Variants in PTPRT observed in about 807,000 individuals in gnomAD.
The protein encoded by PTPRT is protein tyrosine phosphatase receptor type T, also known as receptor-type tyrosine-protein phosphatase T.
In PTPRT, 56 loss-of-function variants were observed where a neutral mutation model predicts 176.8. That is an observed-to-expected ratio of 0.32 (90% CI 0.26 to 0.40). PTPRT has a LOEUF of 0.40. Ranked by LOEUF, PTPRT falls within the 10% of genes least tolerant of loss-of-function variation. PTPRT has a pLI of 1.00. For synonymous variants in PTPRT, 783 were observed against 739.0 expected, an observed-to-expected ratio of 1.06 and a Z score of -0.96; for missense variants, 1,540 against 1,908.2, an observed-to-expected ratio of 0.81 and a Z score of 3.60.
At chr20:42,742,939 C>A (rs1230016106) in intron 6 of PTPRT, among the ~76,000 whole-genome samples, 1 of 152,180 alleles carries the variant, frequency 6.6e-6, no homozygotes, top group Non-Finnish European at 1.5e-5. Context: ...TCCTCACCTC[C>A]CCTTACGAAG....
chr20:42,363,181 G>C (rs1268246783), intron 9 of PTPRT, among the ~76,000 whole-genome samples: 1 of 137,778 alleles, frequency 7.3e-6, no homozygotes, highest in Non-Finnish European at 1.5e-5. Context: ...AAGTCTCATT[G>C]ATTGGCAAAT....
chr20:43,114,895 T>TA (rs2012996317), intron 1 of PTPRT, among the ~76,000 whole-genome samples: 1 of 151,934 alleles, frequency 6.6e-6, no homozygotes, highest in South Asian at 2.1e-4. Flanking sequence ...CCTAAGGGAG[T>TA]ATGTTCTGAA....
intron 8 of PTPRT, among the ~76,000 whole-genome samples, chr20:42,466,985 ATT>A (rs2071112270): frequency 6.6e-6 from 1 of 152,142 alleles, no homozygotes; most frequent in Non-Finnish European, 1.5e-5. Context: ...ATTTGAGGCA[ATT>A]TGAGCATCAC....
At chr20:42,873,156 G>C (rs1321228892) in intron 2 of PTPRT, among the ~76,000 whole-genome samples, 1 of 152,226 alleles carries the variant, frequency 6.6e-6, no homozygotes. Context: ...AGAGACAGAA[G>C]TGTTATGTCC....
At chr20:42,458,949 C>G (rs2867442) in intron 8 of PTPRT, among the ~76,000 whole-genome samples, 1 of 152,028 alleles carries the variant, frequency 6.6e-6, no homozygotes, top group Non-Finnish European at 1.5e-5. Context: ...TGGGAGAAGA[C>G]AGATAATAAA....
intron 6 of PTPRT, among the ~76,000 whole-genome samples, chr20:42,680,536 G>C (rs986985055): frequency 6.6e-6 from 1 of 152,174 alleles, no homozygotes; most frequent in East Asian, 1.9e-4. Context: ...GCTCCCATCA[G>C]TCTCCAATGA....
intron 1 of PTPRT, among the ~76,000 whole-genome samples, chr20:42,904,901 T>C (rs960045720): frequency 9.2e-5 from 14 of 152,262 alleles, no homozygotes; most frequent in African/African-American, 3.4e-4. Flanking sequence ...CCTTACATCT[T>C]ATACAAAAAT....
At chr20:42,941,441 A>C (rs974619095) in intron 1 of PTPRT, among the ~76,000 whole-genome samples, 1 of 152,186 alleles carries the variant, frequency 6.6e-6, no homozygotes, top group Non-Finnish European at 1.5e-5. Flanking sequence ...GTCATCTAGA[A>C]AATTTGCAAT....
chr20:42,511,554 G>A (rs1366385639), intron 7 of PTPRT, among the ~76,000 whole-genome samples: 1 of 151,702 alleles, frequency 6.6e-6, no homozygotes, highest in Non-Finnish European at 1.5e-5. Context: ...AGGGTAAAAT[G>A]TATTCCTTTT....
At chr20:42,827,525 T>A (rs2078015819) in intron 2 of PTPRT, among the ~76,000 whole-genome samples, 2 of 152,158 alleles carry the variant, frequency 1.3e-5, no homozygotes, top group African/African-American at 4.8e-5. Flanking sequence ...AGATACAACA[T>A]ACCAGAATCT....
rs373045736 is a variant in PTPRT at position 42,533,360 on chromosome 20, G to T, written c.1154-60798C>A. 4.6e-5 allele frequency among the ~76,000 whole-genome samples: 7 copies of T among 152,284 alleles called. No individual in the cohort carries two copies. In the East Asian group the frequency reaches 1.4e-3, roughly 30 times the overall value. The stretch of plus-strand genomic sequence containing the variant: ...CTCAACTCTGGTCCTTCCCAGCCCG[G>T]CAGTGAGCCGTCTCTCTCAGGAATC... On this transcript the variant is annotated intron_variant, in intron 7 of 30. Coordinates refer to ENST00000373187, the MANE Select transcript of PTPRT (RefSeq NM_007050.6).
chr20:42,718,612 A>T (rs987970937), intron 6 of PTPRT, among the ~76,000 whole-genome samples: 25 of 152,202 alleles, frequency 1.6e-4, no homozygotes, highest in African/African-American at 5.8e-4. Context: ...CAAGTGGAAG[A>T]AACTAGCCAA....
chr20:42,678,082 A>G lies in PTPRT; in HGVS notation c.937T>C (p.Ser313Pro). ...TYLWIKPNANSIIGDGPIILK... is the reference protein window; with the variant it reads ...TYLWIKPNANPIIGDGPIILK... The stretch of plus-strand genomic sequence containing the variant: ...ATGATGGGGCCATCCCCGATGATGG[A>G]GTTGGCATTTGGCTTGATCCACAGG... Residue 313 changes from serine (S) to proline (P), a missense_variant, in exon 7 of 31, where the codon TCC (serine) becomes CCC (proline). By Grantham distance (74) the Ser-to-Pro change is moderately conservative (BLOSUM62 -1). Transcript: ENST00000373187. The G allele has an allele frequency of 6.2e-7, 1 of 1,614,092 alleles. No individual in the cohort carries two copies. Among genetic ancestry groups the G allele is most frequent in the East Asian group, 2.2e-5 (1 of 44,858 alleles).
Position 42,452,301 on chromosome 20 carries a change from G to A in PTPRT, c.1451-3972C>T, listed in dbSNP as rs144866082. Among the ~76,000 whole-genome samples, 32 of 151,712 alleles carry A rather than the reference G, an allele frequency of 2.1e-4. No homozygotes were observed. In the East Asian group the frequency reaches 6.0e-3, roughly 29 times the overall value. On this transcript the variant is annotated intron_variant, in intron 8 of 30. Coordinates refer to ENST00000373187, the MANE Select transcript of PTPRT (RefSeq NM_007050.6). Reference sequence around the variant, plus strand: ...AAAAAATTCAGAATAGAGGTAAGAAGAAGAGTGAGAAAGAAAGAGGAGATA... The same window carrying A: ...AAAAAATTCAGAATAGAGGTAAGAAAAAGAGTGAGAAAGAAAGAGGAGATA...
chr20:42,613,405 G>A (rs1181044734), intron 7 of PTPRT, among the ~76,000 whole-genome samples: 2 of 152,302 alleles, frequency 1.3e-5, no homozygotes, highest in African/African-American at 2.4e-5. Flanking sequence ...CTGAATCACT[G>A]GGCGAATAGC....
At chr20:42,451,678 G>C (rs1383496861) in intron 8 of PTPRT, among the ~76,000 whole-genome samples, 1 of 152,152 alleles carries the variant, frequency 6.6e-6, no homozygotes, top group African/African-American at 2.4e-5. Flanking sequence ...GAAGGTACTG[G>C]TCAGCAGTCA....
chr20:42,742,704 C>T (rs911038726), intron 6 of PTPRT, among the ~76,000 whole-genome samples: 3 of 152,334 alleles, frequency 2.0e-5, no homozygotes, highest in Admixed American at 6.5e-5. Flanking sequence ...AACATTGTCA[C>T]ACGAGTCTTT....
chr20:42,200,035 G>C (rs1005910314), intron 15 of PTPRT, among the ~76,000 whole-genome samples: 34 of 147,630 alleles, frequency 2.3e-4, no homozygotes, highest in African/African-American at 8.6e-4. Context: ...GTGTAAATTT[G>C]AATCACCTGA....
intron 6 of PTPRT, among the ~76,000 whole-genome samples, chr20:42,737,925 A>C (rs1378232950): frequency 6.6e-6 from 1 of 152,196 alleles, no homozygotes; most frequent in Non-Finnish European, 1.5e-5. Context: ...CTTGCAGGAC[A>C]GGGCCAGGAA....
Sources: allele counts gnomAD v4.1 joint callset (sites outside exome capture counted in the v4.1 genomes callset), GRCh38; gene constraint gnomAD v4.1.1; transcripts MANE v1.5; gene names NCBI Gene and HGNC (gene_info 2026-07-23, HGNC 2026-07-21).